GLRA1: variants seen among roughly 807,000 people sequenced by gnomAD.
GLRA1 encodes the protein glycine receptor alpha 1, also known as glycine receptor subunit alpha-1.
GLRA1 carries 37 observed loss-of-function variants against 48.3 expected under a neutral mutation model. The ratio of observed to expected loss-of-function variants is 0.77; its 90% CI spans 0.59 to 1.01. The LOEUF is 1.01. GLRA1 is among the 50% of genes least tolerant of loss of function. The probability of loss-of-function intolerance (pLI) is 0.00; values close to 1 mark genes in which losing one functional copy is unlikely to be tolerated. For missense variants in GLRA1, 427 were observed against 571.0 expected (o/e 0.75, Z 2.57); for synonymous variants, 196 against 210.7 (o/e 0.93, Z 0.60).
Position 151,891,967 on chromosome 5 carries a change from T to C in GLRA1, c.184+344A>G, listed in dbSNP as rs74977250. Reference sequence around the variant, plus strand: ...AGGCCCAAAGAAAGGGAGAGACTCATCATCTAAGCTCAGAGAGTAAGTTTG... The same window carrying C: ...AGGCCCAAAGAAAGGGAGAGACTCACCATCTAAGCTCAGAGAGTAAGTTTG... On this transcript the variant is annotated intron_variant, in intron 2 of 8. Transcript: ENST00000274576. 8.6e-3 allele frequency among the ~76,000 whole-genome samples: 1,315 copies of C among 152,286 alleles called. 35 individuals carry two copies. The highest frequency in any genetic ancestry group is 0.029 in the African/African-American group (1,209 of 41,556).
At chr5:151,825,863 T>C (rs1763257119) in intron 8 of GLRA1, among the ~76,000 whole-genome samples, 1 of 152,138 alleles carries the variant, frequency 6.6e-6, no homozygotes, top group Non-Finnish European at 1.5e-5. Flanking sequence ...GGACTTAAAA[T>C]CCCTTCTGCA....
chr5:151,851,300 C>G (rs1752902077), intron 7 of GLRA1, 90 bp downstream of exon 7: 1 of 845,356 alleles, frequency 1.2e-6, no homozygotes, highest in South Asian at 1.4e-5. Context: ...GTGAATAATT[C>G]CTTTGCTCCC....
intron 3 of GLRA1, among the ~76,000 whole-genome samples, chr5:151,866,333 A>G (rs1222445861): frequency 6.6e-6 from 1 of 152,172 alleles, no homozygotes; most frequent in Non-Finnish European, 1.5e-5. Context: ...AGGGCTTCCT[A>G]TGCACCACCT....
intron 2 of GLRA1, among the ~76,000 whole-genome samples, chr5:151,888,034 G>A (rs757078443): frequency 2.6e-5 from 4 of 152,208 alleles, no homozygotes; most frequent in African/African-American, 4.8e-5. Flanking sequence ...AGGTACTGAG[G>A]TAGACAGGGC....
chr5:151,859,858 G>A lies in GLRA1; in HGVS notation c.403C>T (p.His135Tyr). The change falls in exon 4 of 9, where the codon CAC becomes TAC. Residue 135 changes from histidine (H) to tyrosine (Y), a missense_variant. Physicochemically the swap from His to Tyr is moderately conservative, Grantham distance 83. Coordinates refer to ENST00000274576, the MANE Select transcript of GLRA1 (RefSeq NM_000171.4). ...DLFFANEKGA[H>Y]FHEITTDNKL... is the part of the protein sequence containing the mutation. ...TTGTCTGTGGTGATCTCATGGAAGT[G>A]GGCCCCCTTCTCGTTGGCAAAGAAC... 1 of 1,614,048 alleles carries A rather than the reference G, an allele frequency of 6.2e-7. No homozygotes were observed. The highest frequency in any genetic ancestry group is 1.1e-5 in the South Asian group (1 of 91,066).
At chr5:151,890,745 G>C (rs2113414155) in intron 2 of GLRA1, among the ~76,000 whole-genome samples, 1 of 152,290 alleles carries the variant, frequency 6.6e-6, no homozygotes, top group African/African-American at 2.4e-5. Flanking sequence ...TACTATAGTT[G>C]TCTTGCCCCT....
intron 7 of GLRA1, among the ~76,000 whole-genome samples, chr5:151,830,427 G>C (rs1036345347): frequency 1.3e-5 from 2 of 152,218 alleles, no homozygotes; most frequent in African/African-American, 4.8e-5. Context: ...GTTGTTTATA[G>C]GGGGCTTTGG....
At chr5:151,901,372 T>A (rs1398480674) in intron 1 of GLRA1, among the ~76,000 whole-genome samples, 2 of 152,192 alleles carry the variant, frequency 1.3e-5, no homozygotes, top group Non-Finnish European at 1.5e-5. Context: ...GGGCATCAAG[T>A]GGCCCTCAGA....
chr5:151,847,963 G>T (rs537772758), intron 7 of GLRA1, among the ~76,000 whole-genome samples: 1 of 152,348 alleles, frequency 6.6e-6, no homozygotes, highest in Admixed American at 6.5e-5. Flanking sequence ...GGAGCAGAAT[G>T]CTGTGTCTAG....
intron 3 of GLRA1, among the ~76,000 whole-genome samples, chr5:151,862,976 C>T (rs768357626): frequency 2.0e-5 from 3 of 152,198 alleles, no homozygotes; most frequent in Non-Finnish European, 4.4e-5. Flanking sequence ...AGAGTTTGCT[C>T]AGTTGCCTCA....
rs1393267014 is a variant in GLRA1 at position 151,856,322 on chromosome 5, A to T, written c.538T>A (p.Cys180Ser). Residue 180 changes from cysteine (C) to serine (S), a missense_variant, in exon 5 of 9, where the codon TGT becomes AGT. Around this residue, in one of 4 missense-constraint regions of GLRA1, gnomAD observed 271 missense variants for 434.9 expected, o/e 0.62. Transcript: ENST00000274576. ...TCACAGCTTTCCAGTTGCATGATAC[A>T]TGTCTGGACATCCATGGGGAAATTC... ...LKNFPMDVQT[C>S]IMQLESFGYT... 6.2e-7 allele frequency: 1 copy of T among 1,611,358 alleles called. No individual in the cohort carries two copies. The highest frequency in any genetic ancestry group is 8.5e-7 in the Non-Finnish European group (1 of 1,177,944).
chr5:151,914,186 A>G (rs999582089), intron 1 of GLRA1, among the ~76,000 whole-genome samples: 5 of 152,218 alleles, frequency 3.3e-5, no homozygotes, highest in African/African-American at 1.2e-4. Context: ...TTGTAGGGAC[A>G]CATTGGAAAG....
At position 151,924,500 on chromosome 5, in the gene GLRA1, A is replaced by G. The variant is rs376426309; in HGVS notation, c.50T>C (p.Phe17Ser). The G allele has an allele frequency of 9.1e-5, 145 of 1,588,070 alleles. No individual in the cohort carries two copies. The highest frequency in any genetic ancestry group is 1.2e-4 in the Non-Finnish European group (138 of 1,156,258). Residue 17 changes from phenylalanine to serine, a missense_variant, in exon 1 of 9, where the codon TTC becomes TCC. Coordinates refer to ENST00000274576, the MANE Select transcript of GLRA1 (RefSeq NM_000171.4). ...TCAGTAGAAAATTGCATACCTGAAG[A>G]ATACAATGGTCTCCCAAAGGTAGAG... ...LRLYLWETIV[F>S]FSLAASKEAE... is the part of the protein sequence containing the mutation.
chr5:151,881,713 T>A (rs1284474217), intron 3 of GLRA1, among the ~76,000 whole-genome samples: 1 of 152,094 alleles, frequency 6.6e-6, no homozygotes, highest in Admixed American at 6.5e-5. Flanking sequence ...AAAGGTCAGT[T>A]AAAGGACAGG....
At chr5:151,913,640 C>A (rs938111892) in intron 1 of GLRA1, among the ~76,000 whole-genome samples, 2 of 152,108 alleles carry the variant, frequency 1.3e-5, no homozygotes, top group Admixed American at 1.3e-4. Context: ...AGAGAAGTTG[C>A]CAAACATGGT....
chr5:151,870,366 T>G (rs1032583550), intron 3 of GLRA1, among the ~76,000 whole-genome samples: 1 of 149,626 alleles, frequency 6.7e-6, no homozygotes, highest in Non-Finnish European at 1.5e-5. Context: ...TGGTGAGACA[T>G]GCCACTAACA....
intron 1 of GLRA1, among the ~76,000 whole-genome samples, chr5:151,900,680 T>A (rs1754345473): frequency 6.6e-6 from 1 of 152,208 alleles, no homozygotes; most frequent in South Asian, 2.1e-4. Context: ...CTTTTTCTCA[T>A]CTTCCTTCTC....
intron 1 of GLRA1, among the ~76,000 whole-genome samples, chr5:151,910,786 G>A (rs188167131): frequency 6.6e-6 from 1 of 152,190 alleles, no homozygotes; most frequent in Admixed American, 6.5e-5. Flanking sequence ...GTTGATAGTA[G>A]ACTGTTATGT....
intron 1 of GLRA1, among the ~76,000 whole-genome samples, chr5:151,920,200 C>T (rs1187231149): frequency 6.6e-6 from 1 of 152,118 alleles, no homozygotes; most frequent in African/African-American, 2.4e-5. Flanking sequence ...GGTATGGGCC[C>T]CTGCCTTTGA....
Sources: allele counts gnomAD v4.1 joint callset (sites outside exome capture counted in the v4.1 genomes callset), GRCh38; gene constraint gnomAD v4.1.1; regional missense constraint gnomAD v4.1.1; transcripts MANE v1.5; gene names NCBI Gene and HGNC (gene_info 2026-07-23, HGNC 2026-07-21).